Variants in KLHL15 observed in about 807,000 individuals in gnomAD.
KLHL15 encodes the protein kelch like family member 15.
In KLHL15, 1 loss-of-function variant was observed where a neutral mutation model predicts 29.3. That is an observed-to-expected ratio of 0.03 (90% confidence interval 0.01 to 0.16). The LOEUF (loss-of-function observed/expected upper bound fraction) is 0.16, where lower values mean the gene tolerates loss of function less well. KLHL15 is among the 10% of genes least tolerant of loss of function. The pLI is 1.00. For synonymous variants in KLHL15, 212 were observed against 184.5 expected, an observed-to-expected ratio of 1.15 and a Z score of -1.21; for missense variants, 215 against 478.5, an observed-to-expected ratio of 0.45 and a Z score of 5.14.
At chrX:24,013,244 A>G (rs1294831975) in intron 2 of KLHL15, among the ~76,000 whole-genome samples, 1 of 109,835 alleles carries the variant, frequency 9.1e-6, no homozygotes, top group African/African-American at 3.3e-5. Context: ...GAGTAGGCAC[A>G]CCACTGCACC....
chrX:24,017,384 T>A (rs1311647051), intron 2 of KLHL15, among the ~76,000 whole-genome samples: 1 of 110,441 alleles, frequency 9.1e-6, no homozygotes, highest in Non-Finnish European at 1.9e-5. Context: ...CATCTTATTA[T>A]CAAGTTAGGG....
In KLHL15 at chrX:23,988,423, G is replaced by C; in HGVS notation, c.1313C>G (p.Ser438Cys). The C allele has an allele frequency of 8.3e-7, 1 of 1,211,870 alleles. No individual in the cohort carries two copies. The change falls in exon 4 of 4, where the codon TCC becomes TGC. Residue 438 changes from serine to cysteine, a missense_variant. Coordinates refer to ENST00000328046, the MANE Select transcript of KLHL15 (RefSeq NM_030624.3). ...AAACACGCACACTTGCTTGGAGGTGGAAGATGAGGTGATTCCACCGGTGAT... is the reference window on the plus strand; with the variant it reads ...AAACACGCACACTTGCTTGGAGGTGCAAGATGAGGTGATTCCACCGGTGAT... ...LFITGGITSS[S>C]TSKQVCVFDP...
intron 3 of KLHL15, among the ~76,000 whole-genome samples, chrX:24,002,476 A>C (rs1190046956): frequency 8.9e-6 from 1 of 112,510 alleles, no homozygotes; most frequent in Non-Finnish European, 1.9e-5. Flanking sequence ...CTATGTCAGA[A>C]GGACAAGATC....
At chrX:23,990,452 T>G (rs1217030079) in intron 3 of KLHL15, among the ~76,000 whole-genome samples, 1 of 111,618 alleles carries the variant, frequency 9.0e-6, no homozygotes, top group Non-Finnish European at 1.9e-5. Context: ...TTTGTCATAA[T>G]AAGACAAGGA....
At chrX:24,004,477 A>C (rs1023077400) in intron 3 of KLHL15, among the ~76,000 whole-genome samples, 9 of 112,563 alleles carry the variant, frequency 8.0e-5, no homozygotes, top group Admixed American at 2.8e-4. Context: ...GGGGCTGATT[A>C]TCACTAAACA....
At chrX:24,004,530 C>T (rs765650384) in intron 3 of KLHL15, among the ~76,000 whole-genome samples, 1 of 111,718 alleles carries the variant, frequency 9.0e-6, no homozygotes, top group Non-Finnish European at 1.9e-5. Flanking sequence ...GGGTGGCTCA[C>T]GCCTGTAATC....
At chrX:23,990,341 T>C (rs1450636510) in intron 3 of KLHL15, among the ~76,000 whole-genome samples, 1 of 110,784 alleles carries the variant, frequency 9.0e-6, no homozygotes, top group Non-Finnish European at 1.9e-5. Flanking sequence ...CATCTGTGAG[T>C]GTGGCAGAAT....
intron 3 of KLHL15, among the ~76,000 whole-genome samples, chrX:23,998,320 G>T (rs1328382134): frequency 2.8e-5 from 3 of 108,872 alleles, no homozygotes; most frequent in African/African-American, 1.0e-4. Context: ...GCAGTGGCGC[G>T]ATCTTGGCTC....
intron 3 of KLHL15, among the ~76,000 whole-genome samples, chrX:23,990,096 G>C (rs72620465): frequency 0.1 from 11,536 of 110,136 alleles, 664 homozygotes; most frequent in African/African-American, 0.22. Context: ...AGGATCACTT[G>C]AGACCAGCCT....
At chrX:23,996,229 T>A in intron 3 of KLHL15, among the ~76,000 whole-genome samples, 1 of 111,670 alleles carries the variant, frequency 9.0e-6, no homozygotes. Flanking sequence ...CCTTTCTACA[T>A]CCAAAAAATG....
chrX:24,015,155 T>A (rs1157282797), intron 2 of KLHL15, among the ~76,000 whole-genome samples: 2 of 112,185 alleles, frequency 1.8e-5, no homozygotes, highest in African/African-American at 6.5e-5. Flanking sequence ...GGGTCCTAAC[T>A]AATAATTTTA....
intron 2 of KLHL15, among the ~76,000 whole-genome samples, chrX:24,021,216 AATCTT>A (rs1405298192): frequency 2.7e-5 from 3 of 111,382 alleles, no homozygotes; most frequent in Non-Finnish European, 5.6e-5. Flanking sequence ...CAATAATAAT[AATCTT>A]ATATTACTAT....
chrX:24,005,009 G>T (rs1219505545), intron 3 of KLHL15, among the ~76,000 whole-genome samples: 5 of 111,186 alleles, frequency 4.5e-5, no homozygotes, highest in Non-Finnish European at 9.4e-5. Context: ...TGCAGATACT[G>T]TATTTTTATA....
At chrX:24,025,258 G>A (rs1279536061) in intron 1 of KLHL15, among the ~76,000 whole-genome samples, 200 bp from the exon 2 acceptor site, 4 of 110,784 alleles carry the variant, frequency 3.6e-5, no homozygotes, top group Admixed American at 1.9e-4. Flanking sequence ...CACCAGCCGA[G>A]GAAGCGTCGA....
At chrX:24,025,670 C>G (rs1929916283) in intron 1 of KLHL15, among the ~76,000 whole-genome samples, 1 of 98,770 alleles carries the variant, frequency 1.0e-5, no homozygotes, top group African/African-American at 3.7e-5. Flanking sequence ...TCTTTCAGCC[C>G]AAAACGCGTC....
At position 24,009,477 on chromosome X, in the gene KLHL15, G is replaced by A. The variant is rs759382974; in HGVS notation, c.-7-2777C>T. On this transcript the variant is annotated intron_variant, in intron 2 of 3. Coordinates refer to ENST00000328046, the MANE Select transcript of KLHL15 (RefSeq NM_030624.3). ...TGCACCACTGCACTCCAGCCTGGGC[G>A]ACAAGAGTGAAACTCCGTCTCAAAA... 2.2e-3 allele frequency among the ~76,000 whole-genome samples: 245 copies of A among 108,978 alleles called. 2 individuals carry two copies. The highest frequency in any genetic ancestry group is 7.7e-3 in the African/African-American group (230 of 29,986). The allele number at this position is 108,978 out of a possible 115,157, so 94.6% of individuals were successfully genotyped here.
chrX:24,011,315 C>T (rs1213637425), intron 2 of KLHL15, among the ~76,000 whole-genome samples: 6 of 101,325 alleles, frequency 5.9e-5, no homozygotes, highest in Admixed American at 2.1e-4. Flanking sequence ...GGACCAGCCT[C>T]GGCAACATAG....
chrX:24,027,086 G>T (rs976141903), intron 1 of KLHL15, 54 bp downstream of exon 1: 3 of 112,153 alleles, frequency 2.7e-5, no homozygotes, highest in African/African-American at 9.7e-5. Flanking sequence ...GCTGAGTTTG[G>T]ATTTTTGTAC....
At chrX:24,025,270 G>A (rs1176298585) in intron 1 of KLHL15, among the ~76,000 whole-genome samples, 1 of 110,076 alleles carries the variant, frequency 9.1e-6, no homozygotes, top group Non-Finnish European at 1.9e-5. Context: ...AAGCGTCGAG[G>A]ACGGCGTCTC....
Sources: gnomAD v4.1 joint callset for allele counts (sites outside exome capture counted in the v4.1 genomes callset) on GRCh38, gnomAD v4.1.1 for gene constraint, MANE v1.5 for transcripts, NCBI Gene and HGNC (gene_info 2026-07-23, HGNC 2026-07-21) for gene names.